Variants in AMBRA1 observed in about 807,000 individuals in gnomAD.
AMBRA1 encodes the protein autophagy and beclin 1 regulator 1.
In AMBRA1, 47 loss-of-function variants were observed where a neutral mutation model predicts 125.4. That is an observed-to-expected ratio of 0.37 (90% CI 0.30 to 0.48). The LOEUF is 0.48. Among genes scored for constraint, AMBRA1 ranks in the 20% least tolerant of loss-of-function variants. The probability of loss-of-function intolerance (pLI) is 0.99; values close to 1 mark genes in which losing one functional copy is unlikely to be tolerated. For synonymous variants in AMBRA1, 626 were observed against 655.5 expected (o/e 0.95, Z 0.69); for missense variants, 1,331 against 1,693.4 (o/e 0.79, Z 3.76).
chr11:46,483,577 G>T (rs576963803), intron 11 of AMBRA1, among the ~76,000 whole-genome samples: 1 of 152,176 alleles, frequency 6.6e-6, no homozygotes, highest in Non-Finnish European at 1.5e-5. Context: ...AAACGAGAAA[G>T]AAAAGCTGAT....
At chr11:46,420,127 T>C (rs1376088433) in intron 14 of AMBRA1, among the ~76,000 whole-genome samples, 2 of 152,056 alleles carry the variant, frequency 1.3e-5, no homozygotes, top group African/African-American at 4.8e-5. Context: ...TTTACAGACA[T>C]GGAACTGGTT....
chr11:46,429,164 G>A (rs916998648), intron 14 of AMBRA1: 62 of 1,556,456 alleles, frequency 4.0e-5, no homozygotes, highest in African/African-American at 2.7e-5. Flanking sequence ...GCAGGTCTCC[G>A]CCACGCACTG....
At chr11:46,550,746 C>A (rs770651299) in intron 1 of AMBRA1, among the ~76,000 whole-genome samples, 6 of 151,956 alleles carry the variant, frequency 3.9e-5, no homozygotes, top group Non-Finnish European at 7.4e-5. Context: ...CTAAAGGGTA[C>A]TGGATGACTA....
intron 15 of AMBRA1, among the ~76,000 whole-genome samples, chr11:46,413,544 G>A (rs1324120403): frequency 2.0e-5 from 3 of 152,180 alleles, no homozygotes; most frequent in African/African-American, 4.8e-5. Flanking sequence ...AGGCTGGAGT[G>A]CAATGGTGTG....
intron 9 of AMBRA1, 43 bp downstream of exon 9, chr11:46,508,148 G>A (rs767219422): frequency 1.0e-5 from 16 of 1,607,064 alleles, no homozygotes; most frequent in African/African-American, 2.7e-5. Context: ...AGCACTCCAA[G>A]CTTGAGAGGA....
At chr11:46,454,376 CAAAACA>C (rs1403842024) in intron 11 of AMBRA1, among the ~76,000 whole-genome samples, 1 of 151,352 alleles carries the variant, frequency 6.6e-6, no homozygotes, top group Admixed American at 6.6e-5. Context: ...AAAATTTTCT[CAAAACA>C]ACAATTCAAA....
intron 1 of AMBRA1, among the ~76,000 whole-genome samples, chr11:46,591,976 G>A (rs1167640347): frequency 1.7e-5 from 2 of 119,180 alleles, no homozygotes; most frequent in Non-Finnish European, 3.3e-5. Flanking sequence ...ACGGAGTTTC[G>A]CTCTTGTTGC....
chr11:46,468,340 G>T (rs540103189), intron 11 of AMBRA1, among the ~76,000 whole-genome samples: 1 of 151,952 alleles, frequency 6.6e-6, no homozygotes, highest in East Asian at 1.9e-4. Context: ...AGGAGTTTGA[G>T]AACAGCCTGG....
chr11:46,590,243 C>T (rs963311189), intron 1 of AMBRA1, among the ~76,000 whole-genome samples: 10 of 151,864 alleles, frequency 6.6e-5, no homozygotes, highest in African/African-American at 2.2e-4. Context: ...CGGTGGTGCG[C>T]ACCTGTAGTC....
chr11:46,585,725 C>A (rs2044373974), intron 1 of AMBRA1, among the ~76,000 whole-genome samples: 1 of 79,356 alleles, frequency 1.3e-5, no homozygotes, highest in Admixed American at 1.6e-4. Flanking sequence ...TATATATATT[C>A]CTAGCTTCCC....
chr11:46,545,912 TGTA>T (rs1952993454), intron 4 of AMBRA1, 136 bp from the exon 5 acceptor site: 2 of 760,438 alleles, frequency 2.6e-6, no homozygotes, highest in Non-Finnish European at 4.2e-6. Context: ...TGTAAAAAGA[TGTA>T]GAAGATCAGC....
intron 1 of AMBRA1, among the ~76,000 whole-genome samples, chr11:46,574,820 A>C (rs1169504317): frequency 6.6e-6 from 1 of 152,164 alleles, no homozygotes; most frequent in East Asian, 1.9e-4. Flanking sequence ...CAGCTGTATA[A>C]CCTTTGACAA....
intron 11 of AMBRA1, among the ~76,000 whole-genome samples, chr11:46,450,486 C>G (rs543988624): frequency 1.3e-5 from 2 of 151,702 alleles, no homozygotes; most frequent in African/African-American, 4.8e-5. Flanking sequence ...ATTGCCCAGG[C>G]TGGAGTGCAG....
intron 1 of AMBRA1, among the ~76,000 whole-genome samples, chr11:46,581,040 C>T (rs886113854): frequency 6.6e-6 from 1 of 151,962 alleles, no homozygotes; most frequent in African/African-American, 2.4e-5. Flanking sequence ...GCAATCCACC[C>T]GCCTCAGCCT....
chr11:46,547,055 T>C, intron 4 of AMBRA1, 58 bp downstream of exon 4: 3 of 1,499,078 alleles, frequency 2.0e-6, no homozygotes, highest in African/African-American at 1.4e-5. Flanking sequence ...CGAGACTCCG[T>C]CTCAAAAAAA....
chr11:46,565,716 G>A (rs558410205), intron 1 of AMBRA1, among the ~76,000 whole-genome samples: 2 of 152,000 alleles, frequency 1.3e-5, no homozygotes, highest in African/African-American at 2.4e-5. Context: ...AAAAAAAAAC[G>A]TGTATAAAAA....
intron 2 of AMBRA1, 101 bp from the exon 3 acceptor site, chr11:46,547,976 G>T: frequency 7.3e-7 from 1 of 1,375,140 alleles, no homozygotes; most frequent in Non-Finnish European, 1.0e-6. Flanking sequence ...AGCATTCACA[G>T]TGTAGGCTTA....
chr11:46,467,187 G>C (rs1196851938), intron 11 of AMBRA1, among the ~76,000 whole-genome samples: 1 of 152,028 alleles, frequency 6.6e-6, no homozygotes, highest in Non-Finnish European at 1.5e-5. Context: ...AAAGTACTGG[G>C]ATTACAGGTG....
chr11:46,543,203 G>T lies in AMBRA1; in HGVS notation c.814C>A (p.Pro272Thr). ...VQDSATPSPP[P>T]PPPQPSTERP... ...TCCGTGGAGGGCTGAGGGGGAGGCG[G>T]TGGGGGTGAGGGGGTAGCAGAATCT... Residue 272 changes from proline to threonine, a missense_variant, in exon 7 of 18, where the codon CCG becomes ACG. Pro to Thr is a conservative substitution (Grantham distance 38). This residue lies in a region of AMBRA1 where 689 missense variants were observed against 776.5 expected (regional missense o/e 0.89). Coordinates refer to ENST00000683756, the MANE Select transcript of AMBRA1 (RefSeq NM_001387011.1). 1 of 1,598,304 alleles carries T rather than the reference G, an allele frequency of 6.3e-7. No homozygotes were observed. The highest frequency in any genetic ancestry group is 8.5e-7 in the Non-Finnish European group (1 of 1,172,812).
Sources: gnomAD v4.1 joint callset for allele counts (sites outside exome capture counted in the v4.1 genomes callset) on GRCh38, gnomAD v4.1.1 for gene constraint, gnomAD v4.1.1 regional missense constraint, MANE v1.5 for transcripts, NCBI Gene and HGNC (gene_info 2026-07-23, HGNC 2026-07-21) for gene names.